GHSR: variants seen among roughly 807,000 people sequenced by gnomAD.
GHSR encodes growth hormone secretagogue receptor type 1.
In GHSR, 17 loss-of-function variants were observed where a neutral mutation model predicts 24.0. That is an observed-to-expected ratio of 0.71 (90% CI 0.49 to 1.06). The LOEUF (loss-of-function observed/expected upper bound fraction) is 1.06. Ranked by LOEUF, GHSR falls within the 50% of genes least tolerant of loss-of-function variation. The pLI, the probability that GHSR is intolerant of heterozygous loss-of-function variation, is 0.00. For synonymous variants in GHSR, 238 were observed against 208.1 expected, an observed-to-expected ratio of 1.14 and a Z score of -1.24; for missense variants, 504 against 483.1, an observed-to-expected ratio of 1.04 and a Z score of -0.41.
At position 172,445,619 on chromosome 3, in the gene GHSR, G is replaced by T. The variant is rs1332316264; in HGVS notation, c.797-154C>A. On this transcript the variant is annotated intron_variant, in intron 1 of 1. Transcript: ENST00000241256. ...CTTCCTGTTCCAACATTTTAACAAA[G>T]ATTCAGTCTGTCTGGACCAACAGTT... is the stretch of plus-strand genomic sequence containing the variant. 1.4e-5 allele frequency: 4 copies of T among 294,198 alleles called. No homozygotes were observed. In the East Asian group the frequency reaches 5.2e-4, roughly 38 times the overall value. 18.2% of individuals were successfully genotyped at this position (294,198 alleles called of 1,614,324 possible). A position where few individuals can be genotyped will look rare whatever the true frequency, so the allele number is the denominator to read the frequency against.
chr3:172,445,064 A>G lies in GHSR; in HGVS notation c.*97T>C, dbSNP rs2108424646. ...GATGTTTCTGGATCTATGTGTTCCT[A>G]ATTCCAAAATTAACCTTCAGCTTCC... On this transcript the variant is annotated 3_prime_UTR_variant, in exon 2 of 2. Coordinates refer to ENST00000241256, the MANE Select transcript of GHSR (RefSeq NM_198407.2). 2.9e-6 allele frequency: 4 copies of G among 1,358,760 alleles called. No homozygotes were observed. The East Asian group carries it at 9.2e-5, about 31-fold the overall frequency. The allele number at this position is 1,358,760 out of a possible 1,614,324, so 84.2% of individuals were successfully genotyped here.
rs1459360876 is a variant in GHSR at position 172,444,145 on chromosome 3, CT to C, written c.*1015del. On this transcript the variant is annotated 3_prime_UTR_variant, in exon 2 of 2. Transcript: ENST00000241256. ...CTGAATATTAACACATGCAACTCAA[CT>C]TAATTTAAAAATGTATGTTACACAT... Among the ~76,000 whole-genome samples, 1 of 152,126 alleles carries C rather than the reference CT, an allele frequency of 6.6e-6. No homozygotes were observed. Among genetic ancestry groups the C allele is most frequent in the Non-Finnish European group, 1.5e-5 (1 of 67,996 alleles).
rs200051419 is a variant in GHSR, at chr3:172,448,197, C to G, written c.217G>C (p.Glu73Gln). The change falls in exon 1 of 2, where the codon GAG (glutamate) becomes CAG (glutamine). Residue 73 changes from glutamate (E) to glutamine (Q), a missense_variant. Physicochemically the swap from Glu to Gln is conservative, Grantham distance 29. Transcript: ENST00000241256. This position sits in a 1 kb window ranked among gnomAD's most constrained non-coding sequence, Gnocchi z 4.8. Reference protein sequence around the residue: ...LTMLVVSRFRELRTTTNLYLS... With the variant: ...LTMLVVSRFRQLRTTTNLYLS... Reference sequence around the variant, plus strand: ...TAGAGGTTGGTGGTGGTGCGCAGCTCGCGGAAGCGCGACACCACCAGCATG... The same window carrying G: ...TAGAGGTTGGTGGTGGTGCGCAGCTGGCGGAAGCGCGACACCACCAGCATG... 6.2e-6 allele frequency: 10 copies of G among 1,614,018 alleles called. No individual in the cohort carries two copies. Among genetic ancestry groups the G allele is most frequent in the African/African-American group, 1.3e-5 (1 of 74,938 alleles).
intron 1 of GHSR, 149 bp from the exon 2 acceptor site, chr3:172,445,614 A>G (rs1361448177): frequency 1.2e-6 from 1 of 841,126 alleles, no homozygotes; most frequent in African/African-American, 1.7e-5. Context: ...CAACATTTTA[A>G]CAAAGATTCA....
intron 1 of GHSR, among the ~76,000 whole-genome samples, chr3:172,447,082 C>G (rs1737479153): frequency 6.6e-6 from 1 of 152,198 alleles, no homozygotes; most frequent in Non-Finnish European, 1.5e-5. Context: ...TTGATCATGT[C>G]TTTGGTTGAA....
rs201767797 is a variant in GHSR, at chr3:172,447,955, C to T, written c.459G>A (p.Val153=). Reference sequence around the variant, plus strand: ...GCTTCACCCGCCCCTTGGTGACCACCACCTTGGCCCGGAGTGGGAAGCAGA... The same window carrying T: ...GCTTCACCCGCCCCTTGGTGACCACTACCTTGGCCCGGAGTGGGAAGCAGA... ...FAICFPLRAK[V]VVTKGRVKLV... Residue 153 remains valine (V), a synonymous_variant, in exon 1 of 2, where the codon GTG becomes GTA. Coordinates refer to ENST00000241256, the MANE Select transcript of GHSR (RefSeq NM_198407.2). 6.2e-7 allele frequency: 1 copy of T among 1,613,712 alleles called. No individual in the cohort carries two copies. Among genetic ancestry groups the T allele is most frequent in the Non-Finnish European group, 8.5e-7 (1 of 1,179,618 alleles).
intron 1 of GHSR, among the ~76,000 whole-genome samples, chr3:172,447,136 A>G (rs754634736): frequency 6.6e-6 from 1 of 152,220 alleles, no homozygotes; most frequent in Non-Finnish European, 1.5e-5. Context: ...GCTTTTCTTA[A>G]TGTAACTTAG....
chr3:172,445,236 G>T lies in GHSR; in HGVS notation c.1026C>A (p.Pro342=). The change falls in exon 2 of 2, where the codon CCC becomes CCA. Residue 342 remains proline, a synonymous_variant. Coordinates refer to ENST00000241256, the MANE Select transcript of GHSR (RefSeq NM_198407.2). ...GAGTGGAGAGCTTTCTCTGGGAGAA[G>T]GGTTCGAATCCCAGAAGTCTGAACA... ...VAVFRLLGFE[P]FSQRKLSTLK... is the part of the protein sequence containing the mutation. The T allele has an allele frequency of 6.2e-7, 1 of 1,614,102 alleles. No individual in the cohort carries two copies. The highest frequency in any genetic ancestry group is 8.5e-7 in the Non-Finnish European group (1 of 1,180,016).
At position 172,447,606 on chromosome 3, in the gene GHSR, G is replaced by A. The variant is rs747217700; in HGVS notation, c.796+12C>T. 3.7e-6 allele frequency: 6 copies of A among 1,613,060 alleles called. No individual in the cohort carries two copies. The highest frequency in any genetic ancestry group is 2.2e-5 in the East Asian group (1 of 44,852). On this transcript the variant is annotated intron_variant, in intron 1 of 1. Coordinates refer to ENST00000241256, the MANE Select transcript of GHSR (RefSeq NM_198407.2). ...CCCGCGAGAGAAAGCCTGAGCGCGCGCTGAGACCCACCCAGCATTTTCACG... is the reference window on the plus strand; with the variant it reads ...CCCGCGAGAGAAAGCCTGAGCGCGCACTGAGACCCACCCAGCATTTTCACG...
intron 1 of GHSR, 48 bp from the exon 2 acceptor site, chr3:172,445,513 C>A (rs941198624): frequency 3.2e-6 from 5 of 1,545,598 alleles, no homozygotes; most frequent in Non-Finnish European, 4.4e-6. Context: ...AATGTCACAG[C>A]AAATCACATT....
rs1737431151 is a variant in GHSR, at chr3:172,445,264, G to A, written c.998C>T (p.Ala333Val). 1 of 1,614,146 alleles carries A rather than the reference G, an allele frequency of 6.2e-7. No homozygotes were observed. The highest frequency in any genetic ancestry group is 8.5e-7 in the Non-Finnish European group (1 of 1,180,032). The change falls in exon 2 of 2, where the codon GCA becomes GTA. Residue 333 changes from alanine (A) to valine (V), a missense_variant. Ala to Val is a moderately conservative substitution (Grantham distance 64). Coordinates refer to ENST00000241256, the MANE Select transcript of GHSR (RefSeq NM_198407.2). The part of the protein sequence containing the change: ...YNIMSKKYRV[A>V]VFRLLGFEPF... ...TTCGAATCCCAGAAGTCTGAACACT[G>A]CCACCCGGTACTTCTTGGACATGAT...
chr3:172,445,104 G>T lies in GHSR; in HGVS notation c.*57C>A. ...CTTCAGCTTCCTCCCAAGTTCTGCT[G>T]TGCTATGTCTTCCGGTTTAGAGTAA... On this transcript the variant is annotated 3_prime_UTR_variant, in exon 2 of 2. Transcript: ENST00000241256. 6.3e-7 allele frequency: 1 copy of T among 1,585,694 alleles called. No homozygotes were observed. The highest frequency in any genetic ancestry group is 8.7e-7 in the Non-Finnish European group (1 of 1,154,972).
intron 1 of GHSR, among the ~76,000 whole-genome samples, chr3:172,445,819 A>G (rs1576992542): frequency 6.6e-6 from 1 of 152,360 alleles, no homozygotes; most frequent in South Asian, 2.1e-4. Flanking sequence ...GTACTCAACC[A>G]TAGCTGTGTA....
chr3:172,448,384 C>T lies in GHSR; in HGVS notation c.30G>A (p.Pro10=), dbSNP rs773044485. 3.1e-6 allele frequency: 5 copies of T among 1,598,372 alleles called. No homozygotes were observed. The highest frequency in any genetic ancestry group is 4.2e-6 in the Non-Finnish European group (5 of 1,179,328). MWNATPSEE[P]GFNLTLADLD... ...GGTCGGCCAGTGTGAGGTTGAACCCCGGCTCTTCGCTGGGCGTCGCGTTCC... is the reference window on the plus strand; with the variant it reads ...GGTCGGCCAGTGTGAGGTTGAACCCTGGCTCTTCGCTGGGCGTCGCGTTCC... The change falls in exon 1 of 2, where the codon CCG becomes CCA. Residue 10 remains proline, a synonymous_variant. Transcript: ENST00000241256. This position sits in a 1 kb window ranked among gnomAD's most constrained non-coding sequence, Gnocchi z 4.8.
In GHSR at chr3:172,448,114, G is replaced by A; in HGVS notation, c.300C>T (p.Leu100=). ...AGGGCCGGTACTGCCAGAGGCGAAC[G>A]AGGTCCAGGGGCATGCAGAGGAAGA... The part of the protein sequence containing the change: ...LLIFLCMPLD[L]VRLWQYRPWN... Residue 100 remains leucine (L), a synonymous_variant, in exon 1 of 2, where the codon CTC becomes CTT. Coordinates refer to ENST00000241256, the MANE Select transcript of GHSR (RefSeq NM_198407.2). This position sits in a 1 kb window ranked among gnomAD's most constrained non-coding sequence, Gnocchi z 4.8. The A allele has an allele frequency of 6.2e-7, 1 of 1,614,244 alleles. No individual in the cohort carries two copies. The highest frequency in any genetic ancestry group is 1.1e-5 in the South Asian group (1 of 91,084).
Position 172,448,399 on chromosome 3 carries a change from C to A in GHSR, c.15G>T (p.Thr5=). Residue 5 remains threonine, a synonymous_variant, in exon 1 of 2, where the codon ACG becomes ACT. Coordinates refer to ENST00000241256, the MANE Select transcript of GHSR (RefSeq NM_198407.2). The surrounding 1 kb of genome is among the most constrained non-coding windows in gnomAD (Gnocchi z 4.8). ...GGTTGAACCCCGGCTCTTCGCTGGGCGTCGCGTTCCACATGCTGCCGGCTC... is the reference window on the plus strand; with the variant it reads ...GGTTGAACCCCGGCTCTTCGCTGGGAGTCGCGTTCCACATGCTGCCGGCTC... MWNA[T]PSEEPGFNLT... 6.3e-7 allele frequency: 1 copy of A among 1,594,906 alleles called. No individual in the cohort carries two copies. The highest frequency in any genetic ancestry group is 8.5e-7 in the Non-Finnish European group (1 of 1,178,078).
Position 172,443,814 on chromosome 3 carries a change from AG to A in GHSR, c.*1346del, listed in dbSNP as rs1453948843. 6.6e-6 allele frequency among the ~76,000 whole-genome samples: 1 copy of A among 152,176 alleles called. No homozygotes were observed. The highest frequency in any genetic ancestry group is 1.5e-5 in the Non-Finnish European group (1 of 67,996). ...TCTATCAGATAAGCAATGGGATATA[AG>A]CAGCAAAACTAATTTGGAGACAGGA... is the stretch of plus-strand genomic sequence containing the variant. On this transcript the variant is annotated 3_prime_UTR_variant, in exon 2 of 2. Coordinates refer to ENST00000241256, the MANE Select transcript of GHSR (RefSeq NM_198407.2).
chr3:172,445,940 C>CTTT (rs201114795), intron 1 of GHSR, among the ~76,000 whole-genome samples: 5 of 145,596 alleles, frequency 3.4e-5, no homozygotes, highest in African/African-American at 1.3e-4. Context: ...TTTATCTTCT[C>CTTT]TTTTTTTTTT....
rs1737396671 is a variant in GHSR, at chr3:172,443,911, AT to A, written c.*1249del. Among the ~76,000 whole-genome samples the A allele has an allele frequency of 6.6e-6, 1 of 152,168 alleles. No individual in the cohort carries two copies. The highest frequency in any genetic ancestry group is 1.5e-5 in the Non-Finnish European group (1 of 67,992). On this transcript the variant is annotated 3_prime_UTR_variant, in exon 2 of 2. Transcript: ENST00000241256. ...GTTTTTAATATCAATAAGCAGTAGC[AT>A]TTAGGGGATTCTCAGTTTTTCACAT... is the stretch of plus-strand genomic sequence containing the variant.
Sources: allele counts gnomAD v4.1 joint callset (sites outside exome capture counted in the v4.1 genomes callset), GRCh38; gene constraint gnomAD v4.1.1; non-coding constraint Gnocchi (gnomAD v3.1); transcripts MANE v1.5; gene names NCBI Gene and HGNC (gene_info 2026-07-23, HGNC 2026-07-21).